The following WDR41 variants were observed in gnomAD, a reference collection of about 807,000 sequenced individuals.
WDR41 encodes the protein WD repeat domain 41.
WDR41 carries 63 observed loss-of-function variants against 69.3 expected under a neutral mutation model. The observed-to-expected ratio is 0.91, with a 90% CI of 0.74 to 1.12. The LOEUF is 1.12. Among genes scored for constraint, WDR41 ranks in the 50% most tolerant of loss-of-function variants. The pLI is 0.00. For missense variants in WDR41, 543 were observed against 534.5 expected (o/e 1.02, Z -0.16); for synonymous variants, 185 against 192.1 (o/e 0.96, Z 0.31).
In WDR41 at chr5:77,435,994, CCTTA is replaced by C. The variant is rs529404849; in HGVS notation, c.1227+263_1227+266del. ...ATATAGTCAACATTATTCACACTGC[CCTTA>C]CTGTCAGCTATCTCCAGCTCCTAAA... On this transcript the variant is annotated intron_variant, in intron 12 of 12. Transcript: ENST00000296679. Among the ~76,000 whole-genome samples the C allele has an allele frequency of 6.1e-3, 933 of 152,274 alleles. 14 individuals carry two copies. Among genetic ancestry groups the C allele is most frequent in the Non-Finnish European group, 6.6e-3 (451 of 68,012 alleles).
intron 6 of WDR41, 139 bp from the exon 7 acceptor site, chr5:77,451,492 G>A: frequency 1.5e-6 from 1 of 673,672 alleles, no homozygotes; most frequent in Non-Finnish European, 2.5e-6. Flanking sequence ...ACACTTCCTT[G>A]CTTGCTTACT....
At chr5:77,615,207 ATGGACCTTGTT>A (rs547838943) in intron 1 of WDR41, among the ~76,000 whole-genome samples, 7 of 152,216 alleles carry the variant, frequency 4.6e-5, no homozygotes, top group Non-Finnish European at 7.3e-5. Flanking sequence ...ACTCTGTTGT[ATGGACCTTGTT>A]TGGACCTGAC....
At chr5:77,519,142 A>C (rs946421909) in intron 1 of WDR41, among the ~76,000 whole-genome samples, 2 of 152,082 alleles carry the variant, frequency 1.3e-5, no homozygotes, top group African/African-American at 4.8e-5. Flanking sequence ...ACTGTAATGA[A>C]TACAAAAAGG....
intron 1 of WDR41, among the ~76,000 whole-genome samples, chr5:77,536,649 T>C (rs1742988841): frequency 1.3e-5 from 2 of 152,198 alleles, no homozygotes; most frequent in Non-Finnish European, 2.9e-5. Context: ...ACCGTACCTT[T>C]TCTATGTTTA....
intron 1 of WDR41, among the ~76,000 whole-genome samples, chr5:77,619,690 AC>A (rs1167561699): frequency 6.6e-6 from 1 of 152,168 alleles, no homozygotes; most frequent in African/African-American, 2.4e-5. Context: ...GTAAGAATGA[AC>A]CCTGGGAATT....
intron 1 of WDR41, among the ~76,000 whole-genome samples, chr5:77,555,633 T>G (rs756197481): frequency 2.0e-5 from 3 of 152,100 alleles, no homozygotes; most frequent in Non-Finnish European, 4.4e-5. Flanking sequence ...AAAAAAGACA[T>G]TAATTACAAC....
At chr5:77,441,693 G>A (rs758952498) in intron 8 of WDR41, among the ~76,000 whole-genome samples, 5 of 151,882 alleles carry the variant, frequency 3.3e-5, no homozygotes, top group Non-Finnish European at 4.4e-5. Context: ...AGCTGAGATC[G>A]CGCCACTGCA....
intron 2 of WDR41, among the ~76,000 whole-genome samples, chr5:77,478,984 G>C (rs967613394): frequency 6.6e-6 from 1 of 151,588 alleles, no homozygotes; most frequent in African/African-American, 2.4e-5. Flanking sequence ...AAAGTCTCAG[G>C]ATACAAAATC....
At chr5:77,473,642 A>G (rs1800739809) in intron 2 of WDR41, among the ~76,000 whole-genome samples, 1 of 152,226 alleles carries the variant, frequency 6.6e-6, no homozygotes, top group South Asian at 2.1e-4. Context: ...AAGGATATGA[A>G]CAGACACTTC....
At position 77,581,232 on chromosome 5, in the gene WDR41, C is replaced by A. The variant is rs546894346; in HGVS notation, c.42+39247G>T. Among the ~76,000 whole-genome samples the A allele has an allele frequency of 3.0e-4, 45 of 151,942 alleles. 1 individual carries two copies. The highest frequency in any genetic ancestry group is 3.4e-3 in the Middle Eastern group (1 of 294). On this transcript the variant is annotated intron_variant, in intron 1 of 5. Coordinates refer to the WDR41 transcript ENST00000509971. ...TACTACTAATAACAGACAAAAGAGA[C>A]CTTAAAACAAAAAATATTATCAGAA... is the stretch of plus-strand genomic sequence containing the variant.
intron 1 of WDR41, among the ~76,000 whole-genome samples, chr5:77,561,906 G>T (rs138843647): frequency 6.6e-6 from 1 of 152,056 alleles, no homozygotes; most frequent in East Asian, 1.9e-4. Flanking sequence ...GTTATATTTT[G>T]TTTATAAATG....
chr5:77,455,309 T>C (rs905574064), intron 5 of WDR41, among the ~76,000 whole-genome samples: 27 of 152,382 alleles, frequency 1.8e-4, no homozygotes, highest in African/African-American at 6.3e-4. Context: ...CTTTCAAATC[T>C]TGTCTATTTT....
At chr5:77,492,507 T>C (rs1474023552), upstream of WDR41, 1 of 381,728 alleles carries the variant, frequency 2.6e-6, no homozygotes, top group Non-Finnish European at 4.6e-6. Context: ...CTGCTCCGAG[T>C]GAGCACGCGC....
At chr5:77,433,650 A>G (rs1168897239) in intron 12 of WDR41, among the ~76,000 whole-genome samples, 1 of 152,192 alleles carries the variant, frequency 6.6e-6, no homozygotes, top group Admixed American at 6.5e-5. Flanking sequence ...CAAGATAAAC[A>G]CTGGCTTCAG....
chr5:77,550,129 C>T (rs1405208917), intron 1 of WDR41, among the ~76,000 whole-genome samples: 1 of 152,098 alleles, frequency 6.6e-6, no homozygotes, highest in Admixed American at 6.5e-5. Flanking sequence ...AGACCTCAAA[C>T]TATAAGAATC....
intron 1 of WDR41, chr5:77,546,066 G>A (rs1220661464): frequency 3.7e-6 from 2 of 544,834 alleles, no homozygotes; most frequent in Non-Finnish European, 6.2e-6. Context: ...ACCTCAGCCA[G>A]GGGCTGCACT....
intron 1 of WDR41, among the ~76,000 whole-genome samples, chr5:77,509,368 G>C (rs1802160994): frequency 6.6e-6 from 1 of 151,840 alleles, no homozygotes; most frequent in African/African-American, 2.4e-5. Flanking sequence ...ACATTCCTAG[G>C]TATATAATCA....
chr5:77,546,280 G>T, intron 1 of WDR41: 1 of 310,644 alleles, frequency 3.2e-6, no homozygotes. Flanking sequence ...TTTTATACAA[G>T]AAAAATAAAG....
At chr5:77,595,126 CA>C (rs1339829014) in intron 1 of WDR41, among the ~76,000 whole-genome samples, 1 of 149,980 alleles carries the variant, frequency 6.7e-6, no homozygotes, top group East Asian at 2.0e-4. Context: ...TGACTGCTAA[CA>C]AAATCGATTT....
Sources: allele counts gnomAD v4.1 joint callset (sites outside exome capture counted in the v4.1 genomes callset), GRCh38; gene constraint gnomAD v4.1.1; transcripts MANE v1.5; gene names NCBI Gene and HGNC (gene_info 2026-07-23, HGNC 2026-07-21).